Variants in RARB observed in about 807,000 individuals in gnomAD.
The protein encoded by RARB is HBV-activated protein.
A neutral mutation model predicts 51.9 loss-of-function variants in RARB; 17 were observed. That is an observed-to-expected ratio of 0.33 (90% CI 0.22 to 0.49). RARB has a LOEUF of 0.49. RARB is among the 20% of genes least tolerant of loss of function. RARB has a pLI of 0.99. For synonymous variants in RARB, 215 were observed against 195.4 expected, an observed-to-expected ratio of 1.10 and a Z score of -0.84; for missense variants, 369 against 550.8, an observed-to-expected ratio of 0.67 and a Z score of 3.30.
chr3:25,012,772 G>T (rs1049178309), intron 2 of RARB, among the ~76,000 whole-genome samples: 2 of 151,990 alleles, frequency 1.3e-5, no homozygotes, highest in Non-Finnish European at 2.9e-5. Flanking sequence ...TACAAAATTT[G>T]TGCACATAAA....
chr3:25,253,130 C>T (rs1702770892), intron 5 of RARB, among the ~76,000 whole-genome samples: 1 of 152,120 alleles, frequency 6.6e-6, no homozygotes, highest in Non-Finnish European at 1.5e-5. Context: ...TTTTAATCTG[C>T]TTTCTAGTCC....
chr3:25,437,140 T>C (rs1268229376), intron 1 of RARB, among the ~76,000 whole-genome samples: 7 of 146,212 alleles, frequency 4.8e-5, no homozygotes, highest in Non-Finnish European at 1.1e-4. Context: ...TTTTTGGTCA[T>C]ATCTAAATTA....
chr3:24,970,714 G>GTGTA (rs1319905714), intron 2 of RARB, among the ~76,000 whole-genome samples: 1 of 151,802 alleles, frequency 6.6e-6, no homozygotes, highest in Non-Finnish European at 1.5e-5. Flanking sequence ...ATACAGCATT[G>GTGTA]TGTAAAATGT....
At chr3:25,257,853 C>T (rs1397564790) in intron 5 of RARB, among the ~76,000 whole-genome samples, 6 of 152,064 alleles carry the variant, frequency 3.9e-5, no homozygotes, top group Admixed American at 6.6e-5. Flanking sequence ...AAATACCATC[C>T]GACATTCTCA....
rs140099176 is a variant in RARB at position 25,473,137 on chromosome 3, TTTC to T, written c.306+11799_306+11801del. On this transcript the variant is annotated intron_variant, in intron 2 of 7. Transcript: ENST00000330688. ...TTGTCACTATCTCCTACCATAATAG[TTTC>T]TTTGGGATTAGAATTTCTCTTGTGC... is the stretch of plus-strand genomic sequence containing the variant. 2.6e-3 allele frequency among the ~76,000 whole-genome samples: 390 copies of T among 152,314 alleles called. 1 individual carries two copies. The highest frequency in any genetic ancestry group is 8.7e-3 in the African/African-American group (360 of 41,566).
intron 2 of RARB, among the ~76,000 whole-genome samples, chr3:25,490,659 C>A (rs374374065): frequency 6.6e-6 from 1 of 152,112 alleles, no homozygotes; most frequent in African/African-American, 2.4e-5. Flanking sequence ...AGCTGGGGTC[C>A]GCTAACTCCT....
At chr3:25,434,059 C>A (rs574936637) in intron 1 of RARB, among the ~76,000 whole-genome samples, 2 of 152,166 alleles carry the variant, frequency 1.3e-5, no homozygotes, top group Non-Finnish European at 2.9e-5. Context: ...TCTCTGCCCC[C>A]TGCGCGATAA....
intron 3 of RARB, among the ~76,000 whole-genome samples, chr3:25,520,845 G>T (rs929124642): frequency 6.6e-6 from 1 of 152,114 alleles, no homozygotes; most frequent in Admixed American, 6.6e-5. Context: ...TACCAAAAAG[G>T]TATGTAAAGC....
At chr3:25,240,944 A>G (rs1381812930) in intron 5 of RARB, among the ~76,000 whole-genome samples, 2 of 152,172 alleles carry the variant, frequency 1.3e-5, no homozygotes, top group African/African-American at 2.4e-5. Flanking sequence ...TTGACAATGA[A>G]GCCATTTGGC....
At chr3:25,300,686 C>T (rs2125427348) in intron 5 of RARB, among the ~76,000 whole-genome samples, 1 of 152,196 alleles carries the variant, frequency 6.6e-6, no homozygotes, top group Non-Finnish European at 1.5e-5. Context: ...TTGGCTGCTG[C>T]TGTAATAAAA....
chr3:25,112,380 C>G (rs1040021473), intron 3 of RARB, among the ~76,000 whole-genome samples: 9 of 152,074 alleles, frequency 5.9e-5, no homozygotes, highest in African/African-American at 1.7e-4. Context: ...AATCTTATAT[C>G]TTCATTTAAA....
chr3:25,186,613 C>G (rs187072373), intron 5 of RARB, among the ~76,000 whole-genome samples: 1 of 151,726 alleles, frequency 6.6e-6, no homozygotes, highest in Non-Finnish European at 1.5e-5. Flanking sequence ...AATTTATACA[C>G]CACGAACATG....
At chr3:25,048,697 A>G (rs921082048) in intron 2 of RARB, among the ~76,000 whole-genome samples, 7 of 151,360 alleles carry the variant, frequency 4.6e-5, no homozygotes, top group African/African-American at 1.7e-4. Context: ...CCACACTTCC[A>G]TAATTTTAGG....
chr3:25,120,836 C>T (rs1699772727), intron 3 of RARB, among the ~76,000 whole-genome samples: 1 of 152,108 alleles, frequency 6.6e-6, no homozygotes, highest in South Asian at 2.1e-4. Context: ...ATCTAGCTGG[C>T]TGCCAAAGTT....
Position 24,922,329 on chromosome 3 carries a change from T to C in RARB, c.-380+63577T>C, listed in dbSNP as rs558954587. Among the ~76,000 whole-genome samples, 3 of 152,334 alleles carry C rather than the reference T, an allele frequency of 2.0e-5. No individual in the cohort carries two copies. The South Asian group carries it at 6.2e-4, about 32-fold the overall frequency. On this transcript the variant is annotated intron_variant, in intron 2 of 11. Coordinates refer to the RARB transcript ENST00000383772. ...AAAAAGATGTTAATGATGGAGATTT[T>C]AGGTTTTTGCCTCTGACTGCATTCT...
chr3:25,393,061 C>T lies in RARB; in HGVS notation c.179-68132C>T, dbSNP rs535031631. Among the ~76,000 whole-genome samples, 208 of 152,078 alleles carry T rather than the reference C, an allele frequency of 1.4e-3. 1 individual carries two copies. The highest frequency in any genetic ancestry group is 2.1e-3 in the Non-Finnish European group (141 of 67,966). ...GGCTTTTATTACCTTAAGGTATGTC[C>T]CTTCTATGCCGATTTTGCTGATGTT... On this transcript the variant is annotated intron_variant, in intron 5 of 11. Coordinates refer to the RARB transcript ENST00000383772.
intron 1 of RARB, among the ~76,000 whole-genome samples, chr3:25,441,775 ATGTT>A (rs1708697091): frequency 6.6e-6 from 1 of 151,996 alleles, no homozygotes; most frequent in Non-Finnish European, 1.5e-5. Flanking sequence ...CCTTTTGCAT[ATGTT>A]TGTTTTGTTT....
At chr3:25,548,818 T>C (rs1699728388) in intron 3 of RARB, among the ~76,000 whole-genome samples, 1 of 152,174 alleles carries the variant, frequency 6.6e-6, no homozygotes, top group Non-Finnish European at 1.5e-5. Flanking sequence ...AAATACTATA[T>C]TTTAGTTCTA....
rs1432049752 is a variant in RARB, at chr3:25,596,723, T to C, written c.*107T>C. On this transcript the variant is annotated 3_prime_UTR_variant, in exon 8 of 8. Coordinates refer to ENST00000330688, the MANE Select transcript of RARB (RefSeq NM_000965.5). ...GCTTAGTTTTTGGACTGAAAAGATA[T>C]TAAAACTCAAGAAGGACCAAGAAGT... The C allele has an allele frequency of 5.3e-5, 55 of 1,037,042 alleles. No individual in the cohort carries two copies. The highest frequency in any genetic ancestry group is 7.0e-5 in the Non-Finnish European group (51 of 729,532). 64.2% of individuals were successfully genotyped at this position (1,037,042 alleles called of 1,614,324 possible).
Sources: allele counts gnomAD v4.1 joint callset (sites outside exome capture counted in the v4.1 genomes callset), GRCh38; gene constraint gnomAD v4.1.1; transcripts MANE v1.5; gene names NCBI Gene and HGNC (gene_info 2026-07-23, HGNC 2026-07-21).